Variants in WDR45B observed in about 807,000 individuals in gnomAD.
WDR45B encodes WD repeat domain phosphoinositide-interacting protein 3.
A neutral mutation model predicts 44.6 loss-of-function variants in WDR45B; 20 were observed. That is an observed-to-expected ratio of 0.45 (90% CI 0.32 to 0.65). The LOEUF is 0.65. Among genes scored for constraint, WDR45B ranks in the 30% least tolerant of loss-of-function variants. WDR45B has a pLI of 0.05. For synonymous variants in WDR45B, 169 were observed against 164.9 expected, an observed-to-expected ratio of 1.02 and a Z score of -0.19; for missense variants, 323 against 430.2, an observed-to-expected ratio of 0.75 and a Z score of 2.20.
intron 2 of WDR45B, among the ~76,000 whole-genome samples, chr17:82,635,917 G>A (rs1231788417): frequency 2.0e-5 from 3 of 151,526 alleles, no homozygotes; most frequent in East Asian, 1.9e-4. Context: ...GAAAACCCCC[G>A]TCTCTACTAA....
chr17:82,637,902 G>A (rs1241574802), intron 2 of WDR45B, among the ~76,000 whole-genome samples: 1 of 151,544 alleles, frequency 6.6e-6, no homozygotes, highest in Non-Finnish European at 1.5e-5. Context: ...GTGGGGGTGT[G>A]GTGGTTAATG....
intron 2 of WDR45B, chr17:82,636,719 C>G (rs556597533): frequency 1.3e-5 from 2 of 152,038 alleles, no homozygotes; most frequent in African/African-American, 2.4e-5. Context: ...CCTTTGTTCT[C>G]GAACTCGACT....
At chr17:82,641,166 C>T (rs779551316) in intron 2 of WDR45B, among the ~76,000 whole-genome samples, 18 of 152,012 alleles carry the variant, frequency 1.2e-4, no homozygotes, top group Non-Finnish European at 2.4e-4. Context: ...GGGGTTTCAC[C>T]GTGTTGCCCA....
chr17:82,630,653 G>A (rs949707407), intron 3 of WDR45B, among the ~76,000 whole-genome samples: 4 of 152,124 alleles, frequency 2.6e-5, no homozygotes, highest in African/African-American at 9.7e-5. Context: ...CATTTACGAC[G>A]TCAACCTAAG....
intron 3 of WDR45B, among the ~76,000 whole-genome samples, chr17:82,628,035 C>T (rs2045721399): frequency 6.6e-6 from 1 of 152,222 alleles, no homozygotes; most frequent in African/African-American, 2.4e-5. Flanking sequence ...TTCTCTCGCC[C>T]AGGCTGGAGT....
intron 2 of WDR45B, among the ~76,000 whole-genome samples, chr17:82,639,779 G>GT (rs1461842381): frequency 1.3e-5 from 2 of 149,834 alleles, no homozygotes; most frequent in Admixed American, 6.6e-5. Flanking sequence ...GCTGGGCTGT[G>GT]TGTGTGTGGG....
chr17:82,631,028 A>G lies in WDR45B; in HGVS notation c.143-6T>C. 6.2e-7 allele frequency: 1 copy of G among 1,612,636 alleles called. No homozygotes were observed. Among genetic ancestry groups the G allele is most frequent in the Non-Finnish European group, 8.5e-7 (1 of 1,178,756 alleles). ...AACTCCTCCTTCTAGAAATTCTGAA[A>G]TGATAGTTTTAAAAAGACCAATGTT... On this transcript the variant is annotated splice_polypyrimidine_tract_variant and splice_region_variant and intron_variant, in intron 2 of 9. Coordinates refer to ENST00000392325, the MANE Select transcript of WDR45B (RefSeq NM_019613.4).
chr17:82,625,889 TTAC>T (rs1267062280), intron 4 of WDR45B: 5 of 252,590 alleles, frequency 2.0e-5, no homozygotes, highest in African/African-American at 1.1e-4. Flanking sequence ...ATTATTATTA[TTAC>T]TTTTTTTTTA....
In WDR45B at chr17:82,618,687, T is replaced by C. The variant is rs912656004; in HGVS notation, c.704+356A>G. Among the ~76,000 whole-genome samples the C allele has an allele frequency of 3.3e-5, 5 of 152,160 alleles. No homozygotes were observed. The South Asian group carries it at 1.0e-3, about 32-fold the overall frequency. ...AGGTCGAGGCTGTAGTGAGCTGTGA[T>C]AGCGTCACTGCACTCCAGCCTGGGC... On this transcript the variant is annotated intron_variant, in intron 7 of 9. Transcript: ENST00000392325.
chr17:82,647,228 T>C lies in WDR45B; in HGVS notation c.67+1046A>G, dbSNP rs544853809. Among the ~76,000 whole-genome samples the C allele has an allele frequency of 3.3e-5, 5 of 152,096 alleles. No homozygotes were observed. In the South Asian group the frequency reaches 8.3e-4, roughly 25 times the overall value. ...AATGAGACTCCGTCTCAAAATGAAATAAATAAATAAATAAAATTGTCTTCA... is the reference window on the plus strand; with the variant it reads ...AATGAGACTCCGTCTCAAAATGAAACAAATAAATAAATAAAATTGTCTTCA... On this transcript the variant is annotated intron_variant, in intron 1 of 9. Coordinates refer to ENST00000392325, the MANE Select transcript of WDR45B (RefSeq NM_019613.4).
At chr17:82,634,544 G>C (rs2143334572) in intron 2 of WDR45B, among the ~76,000 whole-genome samples, 1 of 151,944 alleles carries the variant, frequency 6.6e-6, no homozygotes, top group Non-Finnish European at 1.5e-5. Flanking sequence ...CCCACTTCTA[G>C]TCATACAAGC....
intron 1 of WDR45B, among the ~76,000 whole-genome samples, chr17:82,646,882 C>T (rs1419776976): frequency 2.0e-5 from 3 of 152,204 alleles, no homozygotes. Flanking sequence ...GCCCAGGAAG[C>T]CTGACTGGTC....
intron 4 of WDR45B, chr17:82,626,978 A>T (rs1365954332): frequency 7.6e-5 from 44 of 576,190 alleles, no homozygotes; most frequent in Non-Finnish European, 1.3e-4. Context: ...CACGTCATCC[A>T]CGCCACCACC....
intron 5 of WDR45B, among the ~76,000 whole-genome samples, chr17:82,623,628 G>A (rs1174189641): frequency 3.3e-5 from 5 of 151,166 alleles, no homozygotes; most frequent in Non-Finnish European, 7.4e-5. Context: ...AACCTGGGAG[G>A]CAGAGGCTGC....
chr17:82,648,246 G>A (rs987358873), intron 1 of WDR45B, 28 bp downstream of exon 1: 3 of 1,597,060 alleles, frequency 1.9e-6, no homozygotes, highest in Non-Finnish European at 2.6e-6. Flanking sequence ...GCCCGGCCGG[G>A]CAAGGCGACA....
chr17:82,636,968 G>T (rs887483035), intron 2 of WDR45B, among the ~76,000 whole-genome samples: 7 of 152,058 alleles, frequency 4.6e-5, no homozygotes, highest in Admixed American at 4.6e-4. Context: ...GCCCATAGGG[G>T]AGTGACACAG....
intron 5 of WDR45B, among the ~76,000 whole-genome samples, chr17:82,622,116 AC>A (rs1568003730): frequency 6.6e-6 from 1 of 152,132 alleles, no homozygotes; most frequent in Non-Finnish European, 1.5e-5. Flanking sequence ...GTCAGGGTAC[AC>A]GCCACCGAAA....
At chr17:82,645,778 T>C (rs1292680269) in intron 1 of WDR45B, among the ~76,000 whole-genome samples, 1 of 152,162 alleles carries the variant, frequency 6.6e-6, no homozygotes, top group Admixed American at 6.5e-5. Context: ...CCAACCATGG[T>C]AGACTGGATA....
At chr17:82,642,367 T>A (rs1568016998) in intron 2 of WDR45B, among the ~76,000 whole-genome samples, 1 of 152,154 alleles carries the variant, frequency 6.6e-6, no homozygotes, top group Non-Finnish European at 1.5e-5. Flanking sequence ...TGCCTGATGA[T>A]CTGAGTGGGA....
Sources: gnomAD v4.1 joint callset for allele counts (sites outside exome capture counted in the v4.1 genomes callset) on GRCh38, gnomAD v4.1.1 for gene constraint, MANE v1.5 for transcripts, NCBI Gene and HGNC (gene_info 2026-07-23, HGNC 2026-07-21) for gene names.